The following FAT3 variants were observed in gnomAD, a reference collection of about 807,000 sequenced individuals.
FAT3 encodes the protein protocadherin Fat 3.
FAT3 carries 95 observed loss-of-function variants against 310.2 expected under a neutral mutation model. The ratio of observed to expected loss-of-function variants is 0.31; its 90% confidence interval spans 0.26 to 0.36. The LOEUF (loss-of-function observed/expected upper bound fraction) is 0.36, where lower values mean the gene tolerates loss of function less well. FAT3 is among the 10% of genes least tolerant of loss of function. The pLI is 1.00. For synonymous variants in FAT3, 2,314 were observed against 2,192.9 expected (o/e 1.06, Z -1.54); for missense variants, 5,408 against 5,715.6 (o/e 0.95, Z 1.74).
intron 2 of FAT3, among the ~76,000 whole-genome samples, chr11:92,481,642 A>G (rs1440814609): frequency 6.6e-6 from 1 of 152,226 alleles, no homozygotes; most frequent in Non-Finnish European, 1.5e-5. Flanking sequence ...CATCTAAAAC[A>G]TAAATGCTTT....
intron 3 of FAT3, among the ~76,000 whole-genome samples, chr11:92,546,370 T>G (rs2135424609): frequency 6.6e-6 from 1 of 152,334 alleles, no homozygotes; most frequent in Admixed American, 6.5e-5. Flanking sequence ...TGGGATTTGT[T>G]TTCTGACATC....
chr11:92,633,944 G>A (rs771242415), intron 3 of FAT3, among the ~76,000 whole-genome samples: 1 of 152,244 alleles, frequency 6.6e-6, no homozygotes, highest in East Asian at 1.9e-4. Context: ...AAGTGCTGTG[G>A]ATACAGATAT....
At chr11:92,678,498 T>C (rs919249288) in intron 3 of FAT3, among the ~76,000 whole-genome samples, 27 of 152,160 alleles carry the variant, frequency 1.8e-4, no homozygotes, top group African/African-American at 5.5e-4. Flanking sequence ...ATCTAAACAC[T>C]TCCCATTAGG....
At chr11:92,719,924 A>G (rs924003537) in intron 4 of FAT3, among the ~76,000 whole-genome samples, 1 of 152,154 alleles carries the variant, frequency 6.6e-6, no homozygotes, top group Non-Finnish European at 1.5e-5. Context: ...GGAAAAAGCA[A>G]GGAGTAATGC....
chr11:92,445,236 G>A (rs549476876), intron 2 of FAT3, among the ~76,000 whole-genome samples: 27 of 152,256 alleles, frequency 1.8e-4, no homozygotes, highest in African/African-American at 6.3e-4. Context: ...ACTGTTGTAC[G>A]TCAGTAGCTC....
At chr11:92,887,887 TCAAA>T (rs1337164620) in intron 25 of FAT3, among the ~76,000 whole-genome samples, 1 of 152,316 alleles carries the variant, frequency 6.6e-6, no homozygotes. Context: ...AAGAATAATT[TCAAA>T]CAGTCATCCA....
Position 92,891,238 on chromosome 11 carries a change from ACTT to A in FAT3, c.*130_*132del. On this transcript the variant is annotated 3_prime_UTR_variant, in exon 28 of 28. Coordinates refer to ENST00000525166, the MANE Select transcript of FAT3 (RefSeq NM_001367949.2). Reference sequence around the variant, plus strand: ...GGAATACTGTATTTTTCCACTAGAAACTTCTTCACAAGTCATACTGTCCCAACA... The same window carrying A: ...GGAATACTGTATTTTTCCACTAGAAACTTCACAAGTCATACTGTCCCAACA... 1 of 1,269,722 alleles carries A rather than the reference ACTT, an allele frequency of 7.9e-7. No homozygotes were observed. The highest frequency in any genetic ancestry group is 1.1e-6 in the Non-Finnish European group (1 of 929,096). The allele number at this position is 1,269,722 out of a possible 1,614,324, so 78.7% of individuals were successfully genotyped here.
chr11:92,849,176 C>G (rs1333413167), intron 19 of FAT3, among the ~76,000 whole-genome samples: 1 of 152,198 alleles, frequency 6.6e-6, no homozygotes, highest in East Asian at 1.9e-4. Flanking sequence ...CAGAGCTAGT[C>G]AATGACAGAG....
intron 3 of FAT3, among the ~76,000 whole-genome samples, chr11:92,614,419 G>T (rs1246727347): frequency 6.6e-6 from 1 of 152,068 alleles, no homozygotes; most frequent in Non-Finnish European, 1.5e-5. Flanking sequence ...GTCATTATCT[G>T]TTTATTTTGA....
chr11:92,523,548 A>T (rs1182936323), intron 2 of FAT3, among the ~76,000 whole-genome samples: 1 of 152,234 alleles, frequency 6.6e-6, no homozygotes, highest in African/African-American at 2.4e-5. Flanking sequence ...AGGCTAAGTT[A>T]TATGCCTAAT....
intron 13 of FAT3, among the ~76,000 whole-genome samples, chr11:92,823,965 T>G (rs1948037125): frequency 6.6e-6 from 1 of 152,204 alleles, no homozygotes; most frequent in African/African-American, 2.4e-5. Context: ...AGCCATTAAT[T>G]TAAGCTGTTT....
chr11:92,252,090 G>A (rs933529885), intron 1 of FAT3, among the ~76,000 whole-genome samples: 1 of 152,120 alleles, frequency 6.6e-6, no homozygotes, highest in African/African-American at 2.4e-5. Flanking sequence ...TCATGACTTA[G>A]CAAGGCTTGG....
chr11:92,799,135 C>T lies in FAT3; in HGVS notation c.6122C>T (p.Pro2041Leu), dbSNP rs892330333. ...GGGGTCATTCAGACGACTGGAGTCC[C>T]CTTTGACCGTGAAGAACAAGAGTTA... ...TSGVIQTTGV[P>L]FDREEQELYE... The change falls in exon 10 of 28, where the codon CCC becomes CTC. Residue 2041 changes from proline to leucine, a missense_variant. Coordinates refer to ENST00000525166, the MANE Select transcript of FAT3 (RefSeq NM_001367949.2). The T allele has an allele frequency of 6.2e-7, 1 of 1,613,864 alleles. No homozygotes were observed. The highest frequency in any genetic ancestry group is 1.1e-5 in the South Asian group (1 of 91,062).
At chr11:92,658,605 C>G (rs1177774769) in intron 3 of FAT3, among the ~76,000 whole-genome samples, 1 of 152,174 alleles carries the variant, frequency 6.6e-6, no homozygotes, top group Non-Finnish European at 1.5e-5. Flanking sequence ...CGATCTTGCC[C>G]TTTTGCCTTG....
At chr11:92,278,018 C>T (rs1019667900) in intron 1 of FAT3, among the ~76,000 whole-genome samples, 1 of 151,984 alleles carries the variant, frequency 6.6e-6, no homozygotes, top group Non-Finnish European at 1.5e-5. Context: ...CCTGGGAAGT[C>T]AAGGTGAGCT....
In FAT3 at chr11:92,710,734, TG is replaced by T. The variant is rs137958026; in HGVS notation, c.3669+13290del. ...CGTGACAGACCCATGATGTGTGCTT[TG>T]ATACATGCACAAAACCATTTACCCG... is the stretch of plus-strand genomic sequence containing the variant. On this transcript the variant is annotated intron_variant, in intron 4 of 27. Coordinates refer to ENST00000525166, the MANE Select transcript of FAT3 (RefSeq NM_001367949.2). Among the ~76,000 whole-genome samples, 270 of 152,306 alleles carry T rather than the reference TG, an allele frequency of 1.8e-3. 1 individual carries two copies. The highest frequency in any genetic ancestry group is 6.4e-3 in the Admixed American group (98 of 15,300).
chr11:92,280,844 C>T (rs1468980565), intron 1 of FAT3, among the ~76,000 whole-genome samples: 1 of 152,146 alleles, frequency 6.6e-6, no homozygotes, highest in Non-Finnish European at 1.5e-5. Context: ...GACCTTCGTA[C>T]ATACAATTTC....
intron 2 of FAT3, among the ~76,000 whole-genome samples, chr11:92,477,129 T>A (rs1341512179): frequency 6.6e-6 from 1 of 152,264 alleles, no homozygotes; most frequent in African/African-American, 2.4e-5. Flanking sequence ...ATAAATGGTC[T>A]TTTGTTTATT....
At chr11:92,832,828 A>G (rs908436559) in intron 14 of FAT3, among the ~76,000 whole-genome samples, 10 of 152,258 alleles carry the variant, frequency 6.6e-5, no homozygotes, top group African/African-American at 2.4e-4. Context: ...AGACACTGAT[A>G]AGTGATCTGC....
Sources: gnomAD v4.1 joint callset for allele counts (sites outside exome capture counted in the v4.1 genomes callset) on GRCh38, gnomAD v4.1.1 for gene constraint, MANE v1.5 for transcripts, NCBI Gene and HGNC (gene_info 2026-07-23, HGNC 2026-07-21) for gene names.